The following RAPGEF2 variants were observed in gnomAD, a reference collection of about 807,000 sequenced individuals.
The protein encoded by RAPGEF2 is Rap guanine nucleotide exchange factor 2, also known as PDZ domain containing guanine nucleotide exchange factor (GEF) 1.
Under a neutral mutation model 186.7 loss-of-function variants are expected in RAPGEF2, and 54 were observed. The observed-to-expected ratio is 0.29, with a 90% CI of 0.23 to 0.36. The LOEUF (loss-of-function observed/expected upper bound fraction) is 0.36. RAPGEF2 is among the 10% of genes least tolerant of loss of function. The pLI is 1.00. For missense variants in RAPGEF2, 1,532 were observed against 2,045.0 expected (o/e 0.75, Z 4.84); for synonymous variants, 712 against 705.9 (o/e 1.01, Z -0.14).
chr4:159,178,551 C>CCTT (rs1554005429), intron 1 of RAPGEF2, among the ~76,000 whole-genome samples: 5 of 75,468 alleles, frequency 6.6e-5, no homozygotes, highest in African/African-American at 2.9e-4. Context: ...ATGTATTATG[C>CCTT]TTTTTTTTTT....
In RAPGEF2 at chr4:159,352,773, T is replaced by A. The variant is rs776292023; in HGVS notation, c.3954T>A (p.Asn1318Lys). The A allele has an allele frequency of 1.4e-5, 23 of 1,614,116 alleles. No individual in the cohort carries two copies. The highest frequency in any genetic ancestry group is 1.9e-5 in the Non-Finnish European group (23 of 1,180,048). Residue 1318 changes from asparagine to lysine, a missense_variant, in exon 27 of 30, where the codon AAT becomes AAA. This residue lies in a region of RAPGEF2 where 594 missense variants were observed against 608.5 expected (regional missense o/e 0.98). Transcript: ENST00000691494. ...CTTCACGATCCAGTATTGTTAGCAA[T>A]TCGTCTTTTGACTCAGTGCCAGTCT... Reference protein sequence around the residue: ...EISSRSSIVSNSSFDSVPVSL... With the variant: ...EISSRSSIVSKSSFDSVPVSL...
intron 8 of RAPGEF2, among the ~76,000 whole-genome samples, chr4:159,313,147 C>G (rs1473190133): frequency 1.4e-5 from 2 of 144,990 alleles, no homozygotes; most frequent in Admixed American, 7.1e-5. Flanking sequence ...GACTCTGTCT[C>G]AAAAAAAACA....
intron 23 of RAPGEF2, among the ~76,000 whole-genome samples, chr4:159,344,701 AT>A (rs1407025971): frequency 6.6e-6 from 1 of 152,194 alleles, no homozygotes; most frequent in African/African-American, 2.4e-5. Flanking sequence ...ATTGTAGCTA[AT>A]TTTATTTAAA....
chr4:159,216,063 A>T (rs1367686762), intron 4 of RAPGEF2, among the ~76,000 whole-genome samples: 2 of 152,158 alleles, frequency 1.3e-5, no homozygotes, highest in African/African-American at 4.8e-5. Flanking sequence ...ATCAAAATTG[A>T]GGTTTGCTTC....
chr4:159,256,080 T>C (rs974958957), intron 7 of RAPGEF2, among the ~76,000 whole-genome samples: 4 of 152,214 alleles, frequency 2.6e-5, no homozygotes, highest in African/African-American at 9.7e-5. Flanking sequence ...AGTTTAATTT[T>C]ATTTAAAGTT....
chr4:159,160,132 T>C (rs1170219077), intron 1 of RAPGEF2, among the ~76,000 whole-genome samples: 2 of 152,244 alleles, frequency 1.3e-5, no homozygotes, highest in Non-Finnish European at 2.9e-5. Context: ...GGCTTTAGTC[T>C]GTTACGTATA....
Position 159,182,386 on chromosome 4 carries a change from CTTTTTTTTTT to C in RAPGEF2, c.70-4238_70-4229del, listed in dbSNP as rs575743979. The stretch of plus-strand genomic sequence containing the variant: ...AAGCTTCCTAGTATTTTCTTTTCTT[CTTTTTTTTTT>C]TTTTTTTTTTTTTTTTTGATACAGA... On this transcript the variant is annotated intron_variant, in intron 1 of 29. Coordinates refer to ENST00000691494, the MANE Select transcript of RAPGEF2 (RefSeq NM_001394067.2). 6.2e-3 allele frequency among the ~76,000 whole-genome samples: 531 copies of C among 85,676 alleles called. 3 individuals are homozygous for C. The highest frequency in any genetic ancestry group is 0.021 in the African/African-American group (474 of 22,986). 56.2% of individuals were successfully genotyped at this position (85,676 alleles called of 152,430 possible).
intron 2 of RAPGEF2, among the ~76,000 whole-genome samples, chr4:159,190,004 A>G (rs2111305055): frequency 6.6e-6 from 1 of 152,232 alleles, no homozygotes; most frequent in South Asian, 2.1e-4. Context: ...CATGATGAGG[A>G]TGGGTGCTAG....
intron 7 of RAPGEF2, among the ~76,000 whole-genome samples, chr4:159,265,954 C>G (rs959943722): frequency 1.3e-5 from 2 of 152,104 alleles, no homozygotes; most frequent in Non-Finnish European, 2.9e-5. Flanking sequence ...TATGGTTCAT[C>G]ATGTAAGTAT....
At chr4:159,104,264 G>C (rs1234185093) in intron 1 of RAPGEF2, 33 bp downstream of exon 1, 1 of 1,357,014 alleles carries the variant, frequency 7.4e-7, no homozygotes, top group Non-Finnish European at 9.7e-7. Context: ...CCCTTGGCCG[G>C]ATTTCTGCCT....
At chr4:159,162,865 T>C (rs549323514) in intron 1 of RAPGEF2, among the ~76,000 whole-genome samples, 1 of 152,138 alleles carries the variant, frequency 6.6e-6, no homozygotes, top group Admixed American at 6.5e-5. Flanking sequence ...TTTTAAGTTG[T>C]CTCTTTTATT....
At chr4:159,216,467 G>T (rs1472262778) in intron 4 of RAPGEF2, among the ~76,000 whole-genome samples, 2 of 152,104 alleles carry the variant, frequency 1.3e-5, no homozygotes, top group Non-Finnish European at 2.9e-5. Context: ...GAAAGAAAAT[G>T]TGGACATGAT....
chr4:159,344,174 C>G, intron 23 of RAPGEF2, 115 bp downstream of exon 23: 1 of 1,111,940 alleles, frequency 9.0e-7, no homozygotes, highest in Non-Finnish European at 1.4e-6. Flanking sequence ...TTCCTTAACC[C>G]TCGTGCTGTA....
intron 1 of RAPGEF2, among the ~76,000 whole-genome samples, chr4:159,127,589 G>A (rs1490221158): frequency 6.6e-6 from 1 of 152,118 alleles, no homozygotes; most frequent in Admixed American, 6.5e-5. Flanking sequence ...TAATTATTAA[G>A]TGTACATATC....
chr4:159,347,453 T>C (rs146903550), intron 25 of RAPGEF2, among the ~76,000 whole-genome samples: 2 of 152,352 alleles, frequency 1.3e-5, no homozygotes, highest in African/African-American at 4.8e-5. Flanking sequence ...AACTCCTGAA[T>C]ATGAAGGAGC....
chr4:159,334,756 G>A (rs1767165895), intron 17 of RAPGEF2, among the ~76,000 whole-genome samples: 1 of 152,162 alleles, frequency 6.6e-6, no homozygotes, highest in Non-Finnish European at 1.5e-5. Context: ...GTCTAATTTT[G>A]TTCTATGTGT....
At chr4:159,176,720 T>C (rs1037854317) in intron 1 of RAPGEF2, among the ~76,000 whole-genome samples, 2 of 152,224 alleles carry the variant, frequency 1.3e-5, no homozygotes, top group African/African-American at 4.8e-5. Flanking sequence ...GTAACTCCAA[T>C]GTGACCTGAA....
At chr4:159,335,753 G>C (rs983159713) in intron 17 of RAPGEF2, among the ~76,000 whole-genome samples, 1 of 150,120 alleles carries the variant, frequency 6.7e-6, no homozygotes, top group African/African-American at 2.5e-5. Flanking sequence ...GGAGAATGGC[G>C]TGAACCCGGG....
intron 9 of RAPGEF2, among the ~76,000 whole-genome samples, chr4:159,315,547 C>T (rs1764478499): frequency 6.6e-6 from 1 of 152,116 alleles, no homozygotes; most frequent in Non-Finnish European, 1.5e-5. Context: ...GGACCACTAC[C>T]ACCAAGTTGC....
Sources: gnomAD v4.1 joint callset for allele counts (sites outside exome capture counted in the v4.1 genomes callset) on GRCh38, gnomAD v4.1.1 for gene constraint, gnomAD v4.1.1 regional missense constraint, MANE v1.5 for transcripts, NCBI Gene and HGNC (gene_info 2026-07-23, HGNC 2026-07-21) for gene names.